The following ZNF398 variants were observed in gnomAD, a reference collection of about 807,000 sequenced individuals.
ZNF398 encodes the protein zinc finger DNA binding protein ZER6.
In ZNF398, 18 loss-of-function variants were observed where a neutral mutation model predicts 41.9. That is an observed-to-expected ratio of 0.43 (90% CI 0.30 to 0.64). The LOEUF (loss-of-function observed/expected upper bound fraction) is 0.64, where lower values mean the gene tolerates loss of function less well. Among genes scored for constraint, ZNF398 ranks in the 30% least tolerant of loss-of-function variants. The probability of loss-of-function intolerance (pLI) is 0.14; values close to 1 mark genes in which losing one functional copy is unlikely to be tolerated. For missense variants in ZNF398, 669 were observed against 822.8 expected, an observed-to-expected ratio of 0.81 and a Z score of 2.29; for synonymous variants, 260 against 308.8, an observed-to-expected ratio of 0.84 and a Z score of 1.66.
chr7:149,163,974 T>G (rs928939036), intron 2 of ZNF398, among the ~76,000 whole-genome samples: 1 of 151,874 alleles, frequency 6.6e-6, no homozygotes, highest in African/African-American at 2.4e-5. Flanking sequence ...GAGCCAGGCG[T>G]GATGGTGTGC....
Position 149,181,681 on chromosome 7 carries a change from C to G in ZNF398, c.*1880C>G, listed in dbSNP as rs1046256251. The stretch of plus-strand genomic sequence containing the variant: ...CCATGACATTCACAATACCAGGGAC[C>G]ATGGGAGACACAAGAAATGTGTGTC... On this transcript the variant is annotated 3_prime_UTR_variant, in exon 6 of 6. Coordinates refer to ENST00000475153, the MANE Select transcript of ZNF398 (RefSeq NM_170686.3). The G allele has an allele frequency of 4.6e-5, 7 of 152,154 alleles. No homozygotes were observed. The highest frequency in any genetic ancestry group is 7.3e-5 in the Non-Finnish European group (5 of 68,030). The allele number at this position is 152,154 out of a possible 1,614,324, so 9.4% of individuals were successfully genotyped here.
At chr7:149,148,851 C>A (rs999577537) in intron 1 of ZNF398, among the ~76,000 whole-genome samples, 2 of 97,514 alleles carry the variant, frequency 2.1e-5, no homozygotes, top group Non-Finnish European at 4.4e-5. Flanking sequence ...ATGCACGGAC[C>A]TTTTTCTTTG....
intron 2 of ZNF398, among the ~76,000 whole-genome samples, chr7:149,132,171 C>T (rs545890566): frequency 2.1e-4 from 31 of 150,670 alleles, no homozygotes; most frequent in East Asian, 1.2e-3. Flanking sequence ...ATTACTCCAC[C>T]GACTTCCTTA....
intron 4 of ZNF398, among the ~76,000 whole-genome samples, chr7:149,172,611 A>T (rs1795370969): frequency 6.6e-6 from 1 of 152,204 alleles, no homozygotes; most frequent in African/African-American, 2.4e-5. Context: ...GGTTGCCAAG[A>T]TCTCTGGTAA....
At chr7:149,141,458 T>C (rs1406313230) in intron 2 of ZNF398, among the ~76,000 whole-genome samples, 1 of 133,534 alleles carries the variant, frequency 7.5e-6, no homozygotes, top group Non-Finnish European at 1.6e-5. Context: ...TTTTTTTTCT[T>C]TTTTTTTTTT....
upstream of ZNF398, among the ~76,000 whole-genome samples, chr7:149,143,614 G>C (rs187041459): frequency 4.9e-3 from 750 of 152,270 alleles, 1 homozygote; most frequent in South Asian, 0.02. Flanking sequence ...AGTAGTTCGA[G>C]ACCAGCCTGG....
chr7:149,157,558 A>T (rs1795008774), intron 2 of ZNF398, among the ~76,000 whole-genome samples: 1 of 123,234 alleles, frequency 8.1e-6, no homozygotes, highest in Admixed American at 8.5e-5. Context: ...ATCCAGGACC[A>T]GCAGGGCGCG....
chr7:149,177,574 G>A (rs4727028), intron 5 of ZNF398, among the ~76,000 whole-genome samples: 81,762 of 152,082 alleles, frequency 0.54, 25,480 homozygotes, highest in East Asian at 0.9. Flanking sequence ...GAGAGGGGTA[G>A]CATTCTACAA....
rs773728111 is a variant in ZNF398 at position 149,179,226 on chromosome 7, G to C, written c.1354G>C (p.Glu452Gln). ...LTSHRRAHASERPFRCAQCGR... is the reference protein window; with the variant it reads ...LTSHRRAHASQRPFRCAQCGR... ...CAGCCACCGGAGAGCTCATGCAAGC[G>C]AAAGGCCCTTCCGCTGTGCCCAGTG... Residue 452 changes from glutamate to glutamine, a missense_variant, in exon 6 of 6, where the codon GAA becomes CAA. By Grantham distance (29) the Glu-to-Gln change is conservative. Around this residue, in one of 3 missense-constraint regions of ZNF398, gnomAD observed 210 missense variants for 290.4 expected, o/e 0.72. Transcript: ENST00000475153. The surrounding 1 kb of genome is among the most constrained non-coding windows in gnomAD (Gnocchi z 6.1). The C allele has an allele frequency of 1.2e-6, 2 of 1,613,422 alleles. No individual in the cohort carries two copies. The highest frequency in any genetic ancestry group is 1.7e-6 in the Non-Finnish European group (2 of 1,180,022).
At chr7:149,155,333 T>C (rs1302187233) in intron 2 of ZNF398, among the ~76,000 whole-genome samples, 3 of 152,016 alleles carry the variant, frequency 2.0e-5, no homozygotes, top group African/African-American at 7.2e-5. Context: ...GGCAGGAGAA[T>C]CGCTTGAACC....
intron 4 of ZNF398, among the ~76,000 whole-genome samples, chr7:149,172,754 A>G (rs1381023516): frequency 6.6e-6 from 1 of 152,218 alleles, no homozygotes; most frequent in African/African-American, 2.4e-5. Context: ...AAACAGCATT[A>G]AAGGCAAGTA....
At chr7:149,129,997 C>G (rs971338232) in intron 2 of ZNF398, among the ~76,000 whole-genome samples, 2 of 151,990 alleles carry the variant, frequency 1.3e-5, no homozygotes, top group Non-Finnish European at 2.9e-5. Context: ...CGGGGTTTCT[C>G]CATGTTGGTC....
At position 149,180,165 on chromosome 7, in the gene ZNF398, A is replaced by T. The variant is rs1795560317; in HGVS notation, c.*364A>T. Reference sequence around the variant, plus strand: ...TAGTAGATTATGTCTCTAGGTAGAGACAGATACATGAGAAGAGCCTCCAAA... The same window carrying T: ...TAGTAGATTATGTCTCTAGGTAGAGTCAGATACATGAGAAGAGCCTCCAAA... On this transcript the variant is annotated 3_prime_UTR_variant, in exon 6 of 6. Transcript: ENST00000475153. 5.7e-6 allele frequency: 1 copy of T among 175,148 alleles called. No homozygotes were observed. Among genetic ancestry groups the T allele is most frequent in the African/African-American group, 2.4e-5 (1 of 42,110 alleles). The allele number at this position is 175,148 out of a possible 1,614,324, so 10.8% of individuals were successfully genotyped here.
intron 2 of ZNF398, among the ~76,000 whole-genome samples, chr7:149,132,469 C>T (rs112727601): frequency 0.023 from 3,485 of 152,158 alleles, 51 homozygotes; most frequent in Admixed American, 0.035. Flanking sequence ...GCTGGGAATA[C>T]AGGCATTAGC....
intron 2 of ZNF398, among the ~76,000 whole-genome samples, chr7:149,141,457 T>TTTC (rs1826824748): frequency 1.6e-5 from 2 of 123,212 alleles, no homozygotes; most frequent in South Asian, 5.5e-4. Flanking sequence ...CTTTTTTTTC[T>TTTC]TTTTTTTTTT....
At chr7:149,151,289 C>G (rs1220402757) in intron 1 of ZNF398, 1 of 1,234,468 alleles carries the variant, frequency 8.1e-7, no homozygotes, top group Non-Finnish European at 1.0e-6. Flanking sequence ...GCAGGTGAGG[C>G]AGAAAGACAT....
chr7:149,141,134 CAAG>C (rs1290199946), intron 2 of ZNF398, among the ~76,000 whole-genome samples: 2 of 151,362 alleles, frequency 1.3e-5, no homozygotes, highest in East Asian at 3.9e-4. Flanking sequence ...CAAAATTTCA[CAAG>C]GAGGGAGAAT....
At position 149,147,614 on chromosome 7, in the gene ZNF398, G is replaced by C. The variant is rs1350155167; in HGVS notation, c.-129G>C. ...CGGCCGCGTGAGTCCCGTCCGTGCG[G>C]GGAAGGCAGGGCCGGGTCGGCGCCG... On this transcript the variant is annotated 5_prime_UTR_variant, in exon 1 of 6. Transcript: ENST00000475153. This position sits in a 1 kb window ranked among gnomAD's most constrained non-coding sequence, Gnocchi z 5.6. 1 of 1,053,328 alleles carries C rather than the reference G, an allele frequency of 9.5e-7. No homozygotes were observed. The highest frequency in any genetic ancestry group is 3.7e-5 in the East Asian group (1 of 26,974). The allele number at this position is 1,053,328 out of a possible 1,614,324, so 65.2% of individuals were successfully genotyped here.
At position 149,147,595 on chromosome 7, in the gene ZNF398, C is replaced by T. The variant is rs1453898771; in HGVS notation, c.-148C>T. On this transcript the variant is annotated 5_prime_UTR_variant, in exon 1 of 6. Transcript: ENST00000475153. This position sits in a 1 kb window ranked among gnomAD's most constrained non-coding sequence, Gnocchi z 5.6. ...TGCGCGTCCCGAGCCCCGACGGCCG[C>T]GTGAGTCCCGTCCGTGCGGGGAAGG... The T allele has an allele frequency of 2.2e-6, 2 of 898,004 alleles. No homozygotes were observed. The highest frequency in any genetic ancestry group is 3.9e-5 in the East Asian group (1 of 25,540). The allele number at this position is 898,004 out of a possible 1,614,324, so 55.6% of individuals were successfully genotyped here. A position where few individuals can be genotyped will look rare whatever the true frequency, so the allele number is the denominator to read the frequency against.
Sources: allele counts gnomAD v4.1 joint callset (sites outside exome capture counted in the v4.1 genomes callset), GRCh38; gene constraint gnomAD v4.1.1; regional missense constraint gnomAD v4.1.1; non-coding constraint Gnocchi (gnomAD v3.1); transcripts MANE v1.5; gene names NCBI Gene and HGNC (gene_info 2026-07-23, HGNC 2026-07-21).